The following PPP1R21 variants were observed in gnomAD, a reference collection of about 807,000 sequenced individuals.
PPP1R21 encodes KLRAQ motif containing 1.
A neutral mutation model predicts 112.8 loss-of-function variants in PPP1R21; 85 were observed. That is an observed-to-expected ratio of 0.75 (90% confidence interval 0.63 to 0.90). The LOEUF (loss-of-function observed/expected upper bound fraction) is 0.90, where lower values mean the gene tolerates loss of function less well. Among genes scored for constraint, PPP1R21 ranks in the 40% least tolerant of loss-of-function variants. PPP1R21 has a pLI of 0.00. For missense variants in PPP1R21, 1,199 were observed against 901.5 expected (o/e 1.33, Z -4.23); for synonymous variants, 381 against 322.3 (o/e 1.18, Z -1.95).
chr2:48,498,812 A>G (rs1264824976), intron 17 of PPP1R21, 77 bp downstream of exon 17: 2 of 1,432,498 alleles, frequency 1.4e-6, no homozygotes, highest in Non-Finnish European at 1.9e-6. Flanking sequence ...AACATTAACC[A>G]TTGTCTTAGT....
intron 1 of PPP1R21, among the ~76,000 whole-genome samples, chr2:48,444,827 C>A (rs554670222): frequency 1.3e-5 from 2 of 152,012 alleles, no homozygotes; most frequent in South Asian, 4.2e-4. Context: ...GGGATAGTAG[C>A]CTTGGCAGAA....
intron 18 of PPP1R21, 99 bp from the exon 19 acceptor site, chr2:48,507,170 G>T: frequency 7.2e-7 from 1 of 1,396,234 alleles, no homozygotes; most frequent in Non-Finnish European, 9.3e-7. Flanking sequence ...CAAAGTTCAA[G>T]TGAGAATGTA....
chr2:48,440,833 G>GGCT lies in PPP1R21; in HGVS notation c.-118_-116dup, dbSNP rs763574347. On this transcript the variant is annotated 5_prime_UTR_variant, in exon 1 of 22. Transcript: ENST00000294952. ...GAGGCGCGGCGGCGGCGGCGGCGGC[G>GGCT]GCTGCGGTGGCCAAGCAGGCAGATA... The GGCT allele has an allele frequency of 2.9e-3, 2,006 of 701,638 alleles. 4 individuals carry two copies. The highest frequency in any genetic ancestry group is 2.9e-3 in the Non-Finnish European group (1,212 of 413,584). 43.5% of individuals were successfully genotyped at this position (701,638 alleles called of 1,614,324 possible).
Position 48,440,782 on chromosome 2 carries a change from AC to A in PPP1R21, c.-168del. ...CCCGGCCCCACTCCACCTTCCTCCCACCCCGGGAACCCGGAAGTGGAGGAGG... is the reference window on the plus strand; with the variant it reads ...CCCGGCCCCACTCCACCTTCCTCCCACCCGGGAACCCGGAAGTGGAGGAGG... On this transcript the variant is annotated 5_prime_UTR_variant, in exon 1 of 22. Transcript: ENST00000294952. 1.6e-6 allele frequency: 1 copy of A among 614,534 alleles called. No homozygotes were observed. Among genetic ancestry groups the A allele is most frequent in the Non-Finnish European group, 2.9e-6 (1 of 346,692 alleles). 38.1% of individuals were successfully genotyped at this position (614,534 alleles called of 1,614,324 possible).
At chr2:48,491,221 T>A in intron 15 of PPP1R21, 51 bp downstream of exon 15, 1 of 1,571,802 alleles carries the variant, frequency 6.4e-7, no homozygotes, top group Non-Finnish European at 8.6e-7. Context: ...CAGGAGTCAT[T>A]CTAGAGAATG....
Position 48,514,760 on chromosome 2 carries a change from T to C in PPP1R21, c.*16T>C, listed in dbSNP as rs1223853348. On this transcript the variant is annotated 3_prime_UTR_variant, in exon 22 of 22. Transcript: ENST00000294952. ...GAGTCGATAGTTTTGAAATAGCTGG[T>C]TGGCGACTGTTCTTTCCAGACCTGC... The C allele has an allele frequency of 1.2e-6, 2 of 1,613,012 alleles. No individual in the cohort carries two copies. Among genetic ancestry groups the C allele is most frequent in the South Asian group, 1.1e-5 (1 of 91,028 alleles).
At chr2:48,494,721 T>C (rs994961526) in intron 15 of PPP1R21, among the ~76,000 whole-genome samples, 1 of 151,180 alleles carries the variant, frequency 6.6e-6, no homozygotes, top group Non-Finnish European at 1.5e-5. Flanking sequence ...TGGCCTTATT[T>C]ATTTATTTTT....
At chr2:48,446,836 C>G (rs939541359) in intron 1 of PPP1R21, among the ~76,000 whole-genome samples, 1 of 152,102 alleles carries the variant, frequency 6.6e-6, no homozygotes, top group East Asian at 1.9e-4. Flanking sequence ...AACCTCCGTC[C>G]GTCTCCTGGG....
intron 7 of PPP1R21, among the ~76,000 whole-genome samples, chr2:48,462,331 A>G (rs1429157742): frequency 6.6e-6 from 1 of 152,212 alleles, no homozygotes; most frequent in Non-Finnish European, 1.5e-5. Context: ...CAAGCAGTTT[A>G]TAGCCTCGTA....
chr2:48,510,046 C>G lies in PPP1R21; in HGVS notation c.2117C>G (p.Ala706Gly), dbSNP rs573724599. 9.9e-6 allele frequency: 16 copies of G among 1,613,826 alleles called. No homozygotes were observed. The African/African-American group carries it at 2.0e-4, about 20-fold the overall frequency. ...GCACTGTCTAAAAGACTGGCCTTGGCTGAAAAGTCTAAGGAAGCATTGACA... is the reference window on the plus strand; with the variant it reads ...GCACTGTCTAAAAGACTGGCCTTGGGTGAAAAGTCTAAGGAAGCATTGACA... The part of the protein sequence containing the change: ...CRALSKRLAL[A>G]EKSKEALTEE... The change falls in exon 20 of 22, where the codon GCT (alanine) becomes GGT (glycine). Residue 706 changes from alanine (A) to glycine (G), a missense_variant. Ala to Gly is a moderately conservative substitution (Grantham distance 60, BLOSUM62 0). Transcript: ENST00000294952.
At chr2:48,477,182 C>G (rs1168194486) in intron 12 of PPP1R21, among the ~76,000 whole-genome samples, 1 of 138,594 alleles carries the variant, frequency 7.2e-6, no homozygotes, top group Non-Finnish European at 1.5e-5. Flanking sequence ...AGTGCAGTGT[C>G]ACACTCTCAG....
intron 16 of PPP1R21, among the ~76,000 whole-genome samples, chr2:48,497,945 C>G (rs1669926553): frequency 6.6e-5 from 10 of 151,936 alleles, no homozygotes. Context: ...GCCACCGTGC[C>G]TGGCCTGCAC....
chr2:48,470,119 C>T (rs913244088), intron 9 of PPP1R21, among the ~76,000 whole-genome samples: 2 of 152,096 alleles, frequency 1.3e-5, no homozygotes, highest in Admixed American at 6.5e-5. Context: ...TGAAAATAAT[C>T]TTTTTGCCTA....
intron 9 of PPP1R21, 100 bp downstream of exon 9, chr2:48,465,742 G>C (rs970254301): frequency 9.6e-7 from 1 of 1,043,536 alleles, no homozygotes; most frequent in African/African-American, 1.6e-5. Context: ...TACTGCAAAG[G>C]ACATGGAAAA....
chr2:48,479,178 G>C (rs558698943), intron 12 of PPP1R21, among the ~76,000 whole-genome samples: 1 of 152,120 alleles, frequency 6.6e-6, no homozygotes, highest in Non-Finnish European at 1.5e-5. Flanking sequence ...AACGTTCCCC[G>C]CCTCTGTCCA....
In PPP1R21 at chr2:48,486,730, T is replaced by C; in HGVS notation, c.1418T>C (p.Val473Ala). The C allele has an allele frequency of 6.2e-7, 1 of 1,613,862 alleles. No individual in the cohort carries two copies. Among genetic ancestry groups the C allele is most frequent in the East Asian group, 2.2e-5 (1 of 44,860 alleles). ...ITTNDCILSS[V>A]VALTNGAGKI... is the part of the protein sequence containing the mutation. The stretch of plus-strand genomic sequence containing the variant: ...ACTAATGACTGTATCCTGTCATCAG[T>C]AGTGGCATTAACAAATGGAGCAGGA... The change falls in exon 14 of 22, where the codon GTA becomes GCA. Residue 473 changes from valine to alanine, a missense_variant. Val to Ala is a moderately conservative substitution (Grantham distance 64). Coordinates refer to ENST00000294952, the MANE Select transcript of PPP1R21 (RefSeq NM_001135629.3).
chr2:48,514,791 C>A lies in PPP1R21; in HGVS notation c.*47C>A. 1 of 1,605,944 alleles carries A rather than the reference C, an allele frequency of 6.2e-7. No individual in the cohort carries two copies. The highest frequency in any genetic ancestry group is 8.5e-7 in the Non-Finnish European group (1 of 1,173,754). Reference sequence around the variant, plus strand: ...ACTGTTCTTTCCAGACCTGCTCCTGCTGCACAGAGCCGCAGGGCTGAGACC... The same window carrying A: ...ACTGTTCTTTCCAGACCTGCTCCTGATGCACAGAGCCGCAGGGCTGAGACC... On this transcript the variant is annotated 3_prime_UTR_variant, in exon 22 of 22. Coordinates refer to ENST00000294952, the MANE Select transcript of PPP1R21 (RefSeq NM_001135629.3).
chr2:48,441,491 A>G (rs1236197367), intron 1 of PPP1R21: 1 of 197,118 alleles, frequency 5.1e-6, no homozygotes, highest in Admixed American at 6.5e-5. Flanking sequence ...ACATTCGGGT[A>G]AACTGCTTCA....
intron 19 of PPP1R21, 101 bp downstream of exon 19, chr2:48,507,486 G>A: frequency 1.3e-6 from 2 of 1,505,890 alleles, no homozygotes; most frequent in East Asian, 2.6e-5. Flanking sequence ...AGAGAAGTCA[G>A]TGTCCCAAGT....
Sources: gnomAD v4.1 joint callset for allele counts (sites outside exome capture counted in the v4.1 genomes callset) on GRCh38, gnomAD v4.1.1 for gene constraint, MANE v1.5 for transcripts, NCBI Gene and HGNC (gene_info 2026-07-23, HGNC 2026-07-21) for gene names.